CALCR: variants seen among roughly 807,000 people sequenced by gnomAD.
CALCR encodes the protein calcitonin receptor.
Under a neutral mutation model 59.5 loss-of-function variants are expected in CALCR, and 47 were observed. The observed-to-expected ratio is 0.79, with a 90% confidence interval of 0.63 to 1.01. CALCR has a LOEUF of 1.01. Among genes scored for constraint, CALCR ranks in the 50% least tolerant of loss-of-function variants. CALCR has a pLI of 0.00. For missense variants in CALCR, 566 were observed against 597.1 expected (o/e 0.95, Z 0.54); for synonymous variants, 213 against 211.3 (o/e 1.01, Z -0.07).
intron 2 of CALCR, among the ~76,000 whole-genome samples, chr7:93,563,133 G>T (rs537138917): frequency 1.3e-5 from 2 of 152,138 alleles, no homozygotes; most frequent in Non-Finnish European, 2.9e-5. Flanking sequence ...AGTACACAGA[G>T]TGCCAAGGTA....
chr7:93,437,723 A>G (rs954920073), intron 11 of CALCR, among the ~76,000 whole-genome samples: 1 of 152,200 alleles, frequency 6.6e-6, no homozygotes, highest in Non-Finnish European at 1.5e-5. Flanking sequence ...AAGTTTTCAA[A>G]GACCCTAGAT....
intron 2 of CALCR, among the ~76,000 whole-genome samples, chr7:93,549,096 T>A (rs1445871282): frequency 6.6e-6 from 1 of 152,168 alleles, no homozygotes; most frequent in South Asian, 2.1e-4. Context: ...GAATTTCTAA[T>A]TGTTACATTT....
At chr7:93,496,408 C>T (rs1014445467) in intron 2 of CALCR, among the ~76,000 whole-genome samples, 2 of 151,432 alleles carry the variant, frequency 1.3e-5, no homozygotes, top group Non-Finnish European at 3.0e-5. Context: ...TATAGAATAT[C>T]CTTTGGAAAA....
intron 2 of CALCR, among the ~76,000 whole-genome samples, chr7:93,536,399 T>C (rs893263098): frequency 6.6e-6 from 1 of 151,802 alleles, no homozygotes; most frequent in African/African-American, 2.4e-5. Flanking sequence ...TATTGACTAA[T>C]TTTGGAAAGA....
intron 2 of CALCR, among the ~76,000 whole-genome samples, chr7:93,537,643 G>A (rs1450879946): frequency 6.6e-6 from 1 of 151,558 alleles, no homozygotes; most frequent in Non-Finnish European, 1.5e-5. Flanking sequence ...TACTTAACTA[G>A]CTTGTTACAG....
At chr7:93,469,794 G>C (rs528699224) in intron 6 of CALCR, among the ~76,000 whole-genome samples, 3 of 151,812 alleles carry the variant, frequency 2.0e-5, no homozygotes, top group Non-Finnish European at 4.4e-5. Context: ...TCAACAGTTT[G>C]TTGGGTCTTG....
Position 93,435,318 on chromosome 7 carries a change from G to C in CALCR, c.1149+634C>G, listed in dbSNP as rs188785764. ...CAAATTCCTCATTACCCCAGAGCCA[G>C]CACTTATTTATAAAGGAAGATCTGA... On this transcript the variant is annotated intron_variant, in intron 12 of 13. Transcript: ENST00000426151. Among the ~76,000 whole-genome samples the C allele has an allele frequency of 4.1e-4, 62 of 152,262 alleles. 1 individual carries two copies. The East Asian group carries it at 0.012, about 29-fold the overall frequency.
intron 2 of CALCR, among the ~76,000 whole-genome samples, chr7:93,544,425 C>T (rs970095889): frequency 1.3e-5 from 2 of 151,864 alleles, no homozygotes; most frequent in Non-Finnish European, 2.9e-5. Flanking sequence ...TTTTTGCTCC[C>T]CTTGGTATTT....
intron 2 of CALCR, among the ~76,000 whole-genome samples, chr7:93,539,104 T>G (rs574176082): frequency 6.6e-6 from 1 of 152,228 alleles, no homozygotes; most frequent in South Asian, 2.1e-4. Flanking sequence ...TATGTTACAA[T>G]AGCTCCCCAG....
chr7:93,570,746 A>G (rs7803666), intron 2 of CALCR, among the ~76,000 whole-genome samples: 82,943 of 152,018 alleles, frequency 0.55, 24,363 homozygotes, highest in African/African-American at 0.77. Context: ...TGCCAGCTTC[A>G]ATGAGGTATA....
intron 3 of CALCR, chr7:93,482,635 G>C: frequency 3.1e-6 from 1 of 321,226 alleles, no homozygotes; most frequent in Non-Finnish European, 6.1e-6. Context: ...AGGATAACAA[G>C]TAGAAAACCC....
chr7:93,460,709 T>C, intron 8 of CALCR, 112 bp downstream of exon 8: 1 of 680,818 alleles, frequency 1.5e-6, no homozygotes, highest in Non-Finnish European at 2.3e-6. Context: ...TAGAAGTAAA[T>C]ATGATTACAC....
chr7:93,574,042 T>C (rs1790062997), intron 2 of CALCR, among the ~76,000 whole-genome samples: 1 of 152,054 alleles, frequency 6.6e-6, no homozygotes, highest in African/African-American at 2.4e-5. Context: ...TCACAAGAAA[T>C]CAAACGATTC....
At chr7:93,536,463 T>C (rs1563011738) in intron 2 of CALCR, among the ~76,000 whole-genome samples, 1 of 151,778 alleles carries the variant, frequency 6.6e-6, no homozygotes, top group Non-Finnish European at 1.5e-5. Flanking sequence ...ATATAAAGAG[T>C]AAAACCTCTA....
Position 93,468,826 on chromosome 7 carries a change from A to ACAAACAAACAAG in CALCR, c.430-21_430-20insCTTGTTTGTTTG. 1 of 1,281,522 alleles carries ACAAACAAACAAG rather than the reference A, an allele frequency of 7.8e-7. No individual in the cohort carries two copies. Among genetic ancestry groups the ACAAACAAACAAG allele is most frequent in the Non-Finnish European group, 1.1e-6 (1 of 895,446 alleles). The allele number at this position is 1,281,522 out of a possible 1,614,324, so 79.4% of individuals were successfully genotyped here. A position where few individuals can be genotyped will look rare whatever the true frequency, so the allele number is the denominator to read the frequency against. On this transcript the variant is annotated intron_variant, in intron 6 of 13. Coordinates refer to ENST00000426151, the MANE Select transcript of CALCR (RefSeq NM_001742.4). Reference sequence around the variant, plus strand: ...TGCATTCTGGAACAACAAAAAGTAAACAAACAAACAATGAATGAATGATTC... The same window carrying ACAAACAAACAAG: ...TGCATTCTGGAACAACAAAAAGTAAACAAACAAACAAGCAAACAAACAATGAATGAATGATTC...
intron 7 of CALCR, 100 bp from the exon 8 acceptor site, chr7:93,461,047 A>C (rs1456506902): frequency 1.0e-6 from 1 of 1,003,620 alleles, no homozygotes. Flanking sequence ...CTTTAAAAAA[A>C]AGATGAAAGA....
intron 2 of CALCR, among the ~76,000 whole-genome samples, chr7:93,546,636 C>A (rs540926172): frequency 6.6e-6 from 1 of 151,342 alleles, no homozygotes; most frequent in Non-Finnish European, 1.5e-5. Context: ...ACTGCAGCCT[C>A]GACCTTTCTG....
chr7:93,474,506 C>A (rs1800623862), intron 5 of CALCR, among the ~76,000 whole-genome samples: 1 of 151,568 alleles, frequency 6.6e-6, no homozygotes, highest in Non-Finnish European at 1.5e-5. Context: ...TTGTTAGCTA[C>A]AAGATAATAT....
In CALCR at chr7:93,565,523, T is replaced by C. The variant is rs550810830; in HGVS notation, c.-27+8766A>G. 2.8e-4 allele frequency among the ~76,000 whole-genome samples: 42 copies of C among 152,368 alleles called. No individual in the cohort carries two copies. The East Asian group carries it at 8.1e-3, about 29-fold the overall frequency. Reference sequence around the variant, plus strand: ...ATTTGAAGAATATATATTTTCCTCATGGGATGCAATACAATTGTTTTCATT... The same window carrying C: ...ATTTGAAGAATATATATTTTCCTCACGGGATGCAATACAATTGTTTTCATT... On this transcript the variant is annotated intron_variant, in intron 2 of 13. Transcript: ENST00000426151.
Sources: gnomAD v4.1 joint callset for allele counts (sites outside exome capture counted in the v4.1 genomes callset) on GRCh38, gnomAD v4.1.1 for gene constraint, MANE v1.5 for transcripts, NCBI Gene and HGNC (gene_info 2026-07-23, HGNC 2026-07-21) for gene names.